Variants in HDAC9 observed in about 807,000 individuals in gnomAD.
HDAC9 encodes the protein MEF-2 interacting transcription repressor (MITR) protein.
HDAC9 carries 41 observed loss-of-function variants against 139.4 expected under a neutral mutation model. The ratio of observed to expected loss-of-function variants is 0.29; its 90% CI spans 0.23 to 0.38. HDAC9 has a LOEUF of 0.38. Ranked by LOEUF, HDAC9 falls within the 10% of genes least tolerant of loss-of-function variation. HDAC9 has a pLI of 1.00. For synonymous variants in HDAC9, 517 were observed against 476.2 expected (o/e 1.09, Z -1.12); for missense variants, 1,147 against 1,297.0 (o/e 0.88, Z 1.78).
chr7:18,454,716 A>G (rs575777292), intron 1 of HDAC9, among the ~76,000 whole-genome samples: 1 of 152,210 alleles, frequency 6.6e-6, no homozygotes, highest in East Asian at 1.9e-4. Flanking sequence ...ATACCTTGTT[A>G]TGCACCTGCT....
intron 16 of HDAC9, among the ~76,000 whole-genome samples, chr7:18,786,504 TCC>T: frequency 7.5e-6 from 1 of 134,054 alleles, no homozygotes. Context: ...CTTCCTTCCT[TCC>T]TCTCTCTCAT....
intron 11 of HDAC9, among the ~76,000 whole-genome samples, chr7:18,658,450 C>A (rs1792003988): frequency 6.6e-6 from 1 of 152,104 alleles, no homozygotes; most frequent in Non-Finnish European, 1.5e-5. Context: ...TTTGGACAAT[C>A]ATTTAGAGTT....
At chr7:18,948,495 T>TA (rs1474469227) in intron 23 of HDAC9, among the ~76,000 whole-genome samples, 2 of 152,146 alleles carry the variant, frequency 1.3e-5, no homozygotes, top group African/African-American at 2.4e-5. Context: ...TGGTTTTATG[T>TA]AACCAGTTAT....
At chr7:18,213,182 C>G (rs906536720) in intron 2 of HDAC9, among the ~76,000 whole-genome samples, 6 of 152,112 alleles carry the variant, frequency 3.9e-5, no homozygotes, top group African/African-American at 1.4e-4. Context: ...TGACAGGTTA[C>G]AGAAATATCT....
intron 6 of HDAC9, among the ~76,000 whole-genome samples, chr7:18,604,029 A>G (rs554517246): frequency 1.1e-4 from 17 of 151,736 alleles, no homozygotes; most frequent in African/African-American, 3.1e-4. Flanking sequence ...CTTTTTTTCT[A>G]TGGTTTCTTT....
At chr7:18,242,795 A>G (rs1019721579) in intron 2 of HDAC9, among the ~76,000 whole-genome samples, 1 of 152,096 alleles carries the variant, frequency 6.6e-6, no homozygotes, top group Non-Finnish European at 1.5e-5. Context: ...CTTAGTCTCT[A>G]CAATTCAAGA....
At chr7:18,193,761 C>G (rs761886099) in intron 2 of HDAC9, among the ~76,000 whole-genome samples, 6 of 151,990 alleles carry the variant, frequency 3.9e-5, no homozygotes, top group Non-Finnish European at 8.8e-5. Flanking sequence ...CTCTGACTAC[C>G]TGAGAATTGA....
intron 2 of HDAC9, among the ~76,000 whole-genome samples, chr7:18,272,686 A>G (rs554076883): frequency 6.6e-6 from 1 of 152,154 alleles, no homozygotes; most frequent in African/African-American, 2.4e-5. Context: ...ATGGAGAAAT[A>G]CTATTTTTAT....
At chr7:18,358,983 G>C (rs546357268) in intron 1 of HDAC9, among the ~76,000 whole-genome samples, 18 of 152,182 alleles carry the variant, frequency 1.2e-4, no homozygotes, top group Admixed American at 5.9e-4. Flanking sequence ...CTAATAAATC[G>C]TAGGACTAAT....
chr7:18,208,671 C>A (rs976738470), intron 2 of HDAC9, among the ~76,000 whole-genome samples: 2 of 151,790 alleles, frequency 1.3e-5, no homozygotes, highest in Non-Finnish European at 2.9e-5. Flanking sequence ...CCACTGCACC[C>A]GGCCTGTAAT....
At chr7:18,166,792 C>T (rs902477240) in intron 2 of HDAC9, among the ~76,000 whole-genome samples, 1 of 152,116 alleles carries the variant, frequency 6.6e-6, no homozygotes, top group Non-Finnish European at 1.5e-5. Context: ...TGCCATTTAG[C>T]CATTAAGTAG....
At chr7:18,260,121 A>G (rs992770668) in intron 2 of HDAC9, among the ~76,000 whole-genome samples, 2 of 152,268 alleles carry the variant, frequency 1.3e-5, no homozygotes, top group East Asian at 3.9e-4. Flanking sequence ...GATCACTACA[A>G]TTATTTTAAG....
At chr7:18,200,411 A>G (rs1367187388) in intron 2 of HDAC9, among the ~76,000 whole-genome samples, 1 of 152,246 alleles carries the variant, frequency 6.6e-6, no homozygotes, top group East Asian at 1.9e-4. Flanking sequence ...GGAAAACTTC[A>G]CTCAAAGGCT....
intron 6 of HDAC9, among the ~76,000 whole-genome samples, chr7:18,624,840 T>C (rs940181316): frequency 3.9e-5 from 6 of 151,956 alleles, no homozygotes; most frequent in Admixed American, 2.6e-4. Context: ...ATGATAGTTA[T>C]CTATCATCTC....
intron 22 of HDAC9, among the ~76,000 whole-genome samples, chr7:18,924,853 T>C (rs888134884): frequency 1.3e-5 from 2 of 152,140 alleles, no homozygotes; most frequent in African/African-American, 4.8e-5. Context: ...TTATGGCAAA[T>C]CAGTGCATAA....
chr7:18,100,937 G>C (rs1340279498), intron 1 of HDAC9, among the ~76,000 whole-genome samples: 1 of 151,938 alleles, frequency 6.6e-6, no homozygotes, highest in African/African-American at 2.4e-5. Flanking sequence ...TTTAAGATTA[G>C]TTTCTGAGTA....
At chr7:18,465,634 T>C (rs1794206251) in intron 1 of HDAC9, among the ~76,000 whole-genome samples, 1 of 152,182 alleles carries the variant, frequency 6.6e-6, no homozygotes, top group Non-Finnish European at 1.5e-5. Context: ...TAACTCTTCA[T>C]ACATTCAGAT....
chr7:18,499,523 G>C (rs976504149), intron 2 of HDAC9, among the ~76,000 whole-genome samples: 6 of 152,084 alleles, frequency 3.9e-5, no homozygotes, highest in Non-Finnish European at 8.8e-5. Context: ...GTGTGGGCCA[G>C]GGTAAGTGAT....
chr7:18,379,691 C>A (rs1265664846), intron 1 of HDAC9, among the ~76,000 whole-genome samples: 1 of 152,138 alleles, frequency 6.6e-6, no homozygotes, highest in South Asian at 2.1e-4. Context: ...CTGAATTTTT[C>A]CCCCAGTATT....
Sources: allele counts gnomAD v4.1 joint callset (sites outside exome capture counted in the v4.1 genomes callset), GRCh38; gene constraint gnomAD v4.1.1; transcripts MANE v1.5; gene names NCBI Gene and HGNC (gene_info 2026-07-23, HGNC 2026-07-21).